The following STAMBP variants were observed in gnomAD, a reference collection of about 807,000 sequenced individuals.
The protein encoded by STAMBP is STAM binding protein, also known as STAM-binding protein.
A neutral mutation model predicts 50.7 loss-of-function variants in STAMBP; 31 were observed. That is an observed-to-expected ratio of 0.61 (90% CI 0.46 to 0.83). The LOEUF (loss-of-function observed/expected upper bound fraction) is 0.83, where lower values mean the gene tolerates loss of function less well. Among genes scored for constraint, STAMBP ranks in the 40% least tolerant of loss-of-function variants. The pLI is 0.00. For missense variants in STAMBP, 472 were observed against 518.9 expected, an observed-to-expected ratio of 0.91 and a Z score of 0.88; for synonymous variants, 211 against 192.4, an observed-to-expected ratio of 1.10 and a Z score of -0.80.
At chr2:73,857,667 T>A (rs17332124) in intron 7 of STAMBP, among the ~76,000 whole-genome samples, 3,321 of 152,278 alleles carry the variant, frequency 0.022, 46 homozygotes, top group Middle Eastern at 0.068. Context: ...TTAATGCTGT[T>A]ACTTTCCATT....
Position 73,864,441 on chromosome 2 carries a change from T to A in STAMBP, c.*2182T>A, listed in dbSNP as rs1226134506. The A allele has an allele frequency of 6.6e-6, 1 of 152,168 alleles. No individual in the cohort carries two copies. Among genetic ancestry groups the A allele is most frequent in the Admixed American group, 6.6e-5 (1 of 15,262 alleles). The allele number at this position is 152,168 out of a possible 1,614,324, so 9.4% of individuals were successfully genotyped here. ...CTAGCCACTGCAGAGGCACTCTGCA[T>A]AGGATGGTCTAAGTGTCTCTGTCTT... On this transcript the variant is annotated 3_prime_UTR_variant, in exon 10 of 10. Transcript: ENST00000394070.
At chr2:73,861,571 T>C (rs954114020) in intron 9 of STAMBP, among the ~76,000 whole-genome samples, 3 of 151,952 alleles carry the variant, frequency 2.0e-5, no homozygotes, top group African/African-American at 4.8e-5. Flanking sequence ...CGGGCTGGAG[T>C]GCAGTGGTAT....
intron 2 of STAMBP, among the ~76,000 whole-genome samples, chr2:73,842,675 G>T (rs1173865851): frequency 6.6e-6 from 1 of 152,090 alleles, no homozygotes; most frequent in Non-Finnish European, 1.5e-5. Context: ...TGGTAAAGTT[G>T]GTTTTGTTAT....
Position 73,850,262 on chromosome 2 carries a change from G to C in STAMBP, c.868-114G>C. 2 of 1,368,372 alleles carry C rather than the reference G, an allele frequency of 1.5e-6. No homozygotes were observed. Among genetic ancestry groups the C allele is most frequent in the Non-Finnish European group, 2.0e-6 (2 of 1,013,118 alleles). 84.8% of individuals were successfully genotyped at this position (1,368,372 alleles called of 1,614,324 possible). The stretch of plus-strand genomic sequence containing the variant: ...ACCACTGAGTGGCAGGACTCCTGCT[G>C]TGTGGGAAGGGCTTTCACTTGTATA... On this transcript the variant is annotated intron_variant, in intron 6 of 9. Transcript: ENST00000394070. This position sits in a 1 kb window ranked among gnomAD's most constrained non-coding sequence, Gnocchi z 4.3.
At chr2:73,831,094 T>C in intron 2 of STAMBP, 35 bp downstream of exon 2, 1 of 1,563,992 alleles carries the variant, frequency 6.4e-7, no homozygotes, top group Non-Finnish European at 8.8e-7. Context: ...TCCTTTCTGG[T>C]GACTGGTGCC....
intron 7 of STAMBP, among the ~76,000 whole-genome samples, chr2:73,857,765 C>T (rs1677743685): frequency 1.3e-5 from 2 of 152,152 alleles, no homozygotes; most frequent in African/African-American, 4.8e-5. Flanking sequence ...CATACATCCA[C>T]CTACCCAGGA....
intron 7 of STAMBP, among the ~76,000 whole-genome samples, chr2:73,854,696 AAAAC>A (rs780774571): frequency 3.8e-4 from 58 of 152,272 alleles, no homozygotes; most frequent in Non-Finnish European, 7.1e-4. Context: ...TTCGGGATTA[AAAAC>A]AAACAGGCTG....
chr2:73,871,503 G>A (rs1407033859), downstream of STAMBP, among the ~76,000 whole-genome samples: 2 of 150,114 alleles, frequency 1.3e-5, no homozygotes, highest in Non-Finnish European at 3.0e-5. Context: ...AGCCGAGATC[G>A]CATCACTACA....
Position 73,867,000 on chromosome 2 carries a change from G to T in STAMBP, c.*4741G>T, listed in dbSNP as rs1341353532. On this transcript the variant is annotated 3_prime_UTR_variant, in exon 10 of 10. Coordinates refer to ENST00000394070, the MANE Select transcript of STAMBP (RefSeq NM_213622.4). ...CTATCTCATCACTGTTACTGTCTGT[G>T]TAGCCCTGTCATGAGCTAAAATCAT... 2 of 152,216 alleles carry T rather than the reference G, an allele frequency of 1.3e-5. No individual in the cohort carries two copies. The highest frequency in any genetic ancestry group is 2.9e-5 in the Non-Finnish European group (2 of 68,072). The allele number at this position is 152,216 out of a possible 1,614,324, so 9.4% of individuals were successfully genotyped here.
intron 7 of STAMBP, among the ~76,000 whole-genome samples, chr2:73,856,633 T>G (rs1677582265): frequency 6.6e-6 from 1 of 152,198 alleles, no homozygotes; most frequent in Non-Finnish European, 1.5e-5. Flanking sequence ...TGTCCATGGA[T>G]GCCCATCATG....
chr2:73,832,578 C>T (rs1392645199), intron 2 of STAMBP, among the ~76,000 whole-genome samples: 1 of 151,938 alleles, frequency 6.6e-6, no homozygotes, highest in African/African-American at 2.4e-5. Flanking sequence ...AGATGATATA[C>T]ACATACCAGT....
chr2:73,857,080 C>T lies in STAMBP; in HGVS notation c.1006-2174C>T, dbSNP rs201991434. On this transcript the variant is annotated intron_variant, in intron 7 of 9. Coordinates refer to ENST00000394070, the MANE Select transcript of STAMBP (RefSeq NM_213622.4). ...ACAGCATTGAATTCTTCTGCCTTGT[C>T]TATTCCAGCCTCAGAATTCTGTTTT... Among the ~76,000 whole-genome samples, 3 of 152,362 alleles carry T rather than the reference C, an allele frequency of 2.0e-5. No homozygotes were observed. The East Asian group carries it at 5.8e-4, about 29-fold the overall frequency.
chr2:73,834,225 AAAAAAAAAAAAATATATATAT>A (rs1217148714), intron 2 of STAMBP, among the ~76,000 whole-genome samples: 3 of 24,636 alleles, frequency 1.2e-4, no homozygotes, highest in Admixed American at 1.4e-3. Flanking sequence ...AAAAAAAAAA[AAAAAAAAAAAAATATATATAT>A]ATATATATAT....
chr2:73,846,672 G>A (rs181553977), intron 4 of STAMBP, among the ~76,000 whole-genome samples: 1 of 151,594 alleles, frequency 6.6e-6, no homozygotes. Flanking sequence ...GCAGGTATAA[G>A]TTTGGATCTG....
intron 7 of STAMBP, among the ~76,000 whole-genome samples, chr2:73,856,120 G>T (rs1458132126): frequency 6.6e-6 from 1 of 152,230 alleles, no homozygotes; most frequent in African/African-American, 2.4e-5. Flanking sequence ...TAATCGGGAT[G>T]CACATTTAGG....
chr2:73,835,974 G>A (rs1170699838), intron 2 of STAMBP, among the ~76,000 whole-genome samples: 3 of 151,948 alleles, frequency 2.0e-5, no homozygotes, highest in Non-Finnish European at 2.9e-5. Context: ...GAATGGCTGA[G>A]ATTTTCTTTT....
chr2:73,832,469 A>G (rs1367927070), intron 2 of STAMBP, among the ~76,000 whole-genome samples: 1 of 151,804 alleles, frequency 6.6e-6, no homozygotes, highest in Non-Finnish European at 1.5e-5. Context: ...TCAAAAAAAA[A>G]AAAAAAAGTC....
intron 7 of STAMBP, among the ~76,000 whole-genome samples, chr2:73,855,324 C>T (rs1015217932): frequency 2.4e-4 from 37 of 152,196 alleles, no homozygotes; most frequent in African/African-American, 8.7e-4. Flanking sequence ...AAGTGCCTTC[C>T]TCTATCCCCA....
intron 1 of STAMBP, 58 bp downstream of exon 1, chr2:73,829,568 G>T (rs1255410296): frequency 6.6e-6 from 1 of 152,212 alleles, no homozygotes; most frequent in Non-Finnish European, 1.5e-5. Context: ...CCGTGGACTA[G>T]GTTTACTAAT....
Sources: gnomAD v4.1 joint callset for allele counts (sites outside exome capture counted in the v4.1 genomes callset) on GRCh38, gnomAD v4.1.1 for gene constraint, Gnocchi (gnomAD v3.1) non-coding constraint, MANE v1.5 for transcripts, NCBI Gene and HGNC (gene_info 2026-07-23, HGNC 2026-07-21) for gene names.